The following SLC6A6 variants were observed in gnomAD, a reference collection of about 807,000 sequenced individuals.
SLC6A6 encodes solute carrier family 6 member 6.
Under a neutral mutation model 68.8 loss-of-function variants are expected in SLC6A6, and 16 were observed. The observed-to-expected ratio is 0.23, with a 90% confidence interval of 0.16 to 0.35. The LOEUF is 0.35. SLC6A6 is among the 10% of genes least tolerant of loss of function. SLC6A6 has a pLI of 1.00. For missense variants in SLC6A6, 474 were observed against 802.8 expected, an observed-to-expected ratio of 0.59 and a Z score of 4.95; for synonymous variants, 312 against 315.4, an observed-to-expected ratio of 0.99 and a Z score of 0.12.
rs1415021405 is a variant in SLC6A6 at position 14,447,790 on chromosome 3, C to A, written c.573C>A (p.Phe191Leu). The A allele has an allele frequency of 6.2e-7, 1 of 1,614,238 alleles. No homozygotes were observed. ...SVWITISSTN[F>L]TSPVIEFWER... The stretch of plus-strand genomic sequence containing the variant: ...GGATCACCATCAGCTCCACCAACTT[C>A]ACCTCCCCTGTCATCGAGTTCTGGG... Residue 191 changes from phenylalanine to leucine, a missense_variant, in exon 5 of 15, where the codon TTC becomes TTA. Physicochemically the swap from Phe to Leu is conservative, Grantham distance 22 (BLOSUM62 0). This residue lies in a region of SLC6A6 where 280 missense variants were observed against 533.1 expected (regional missense o/e 0.53). Coordinates refer to ENST00000622186, the MANE Select transcript of SLC6A6 (RefSeq NM_003043.6).
At chr3:14,455,577 AC>A (rs1700348698) in intron 5 of SLC6A6, among the ~76,000 whole-genome samples, 1 of 152,228 alleles carries the variant, frequency 6.6e-6, no homozygotes, top group African/African-American at 2.4e-5. Context: ...CAGGGGCTCT[AC>A]AGTGAGTCTT....
At chr3:14,453,212 G>T (rs904253515) in intron 5 of SLC6A6, among the ~76,000 whole-genome samples, 1 of 152,230 alleles carries the variant, frequency 6.6e-6, no homozygotes, top group African/African-American at 2.4e-5. Context: ...TTACATCTCT[G>T]AGTGCCGGCT....
At chr3:14,435,772 T>G (rs1207807086) in intron 2 of SLC6A6, among the ~76,000 whole-genome samples, 1 of 152,208 alleles carries the variant, frequency 6.6e-6, no homozygotes, top group Non-Finnish European at 1.5e-5. Flanking sequence ...GTTTAGAAAC[T>G]GAAAAATGTG....
intron 2 of SLC6A6, among the ~76,000 whole-genome samples, chr3:14,428,340 C>G (rs963911052): frequency 6.6e-6 from 1 of 152,196 alleles, no homozygotes; most frequent in Non-Finnish European, 1.5e-5. Context: ...GGCATGGTGC[C>G]CAAGAGATGC....
In SLC6A6 at chr3:14,466,569, C is replaced by G. The variant is rs777397049; in HGVS notation, c.786C>G (p.Val262=). ...TCGCCATGCTCCTGGTGCTGCTGGT[C>G]CGAGGGCTGACGCTGCCGGGCGCGG... ...FPFAMLLVLL[V]RGLTLPGAGA... Residue 262 remains valine (V), a synonymous_variant, in exon 7 of 15, where the codon GTC becomes GTG. Transcript: ENST00000622186. 6.2e-7 allele frequency: 1 copy of G among 1,613,512 alleles called. No individual in the cohort carries two copies. The highest frequency in any genetic ancestry group is 8.5e-7 in the Non-Finnish European group (1 of 1,179,772).
At chr3:14,479,495 G>A (rs1269933160) in intron 13 of SLC6A6, among the ~76,000 whole-genome samples, 1 of 152,134 alleles carries the variant, frequency 6.6e-6, no homozygotes, top group Non-Finnish European at 1.5e-5. Flanking sequence ...GAAATCCAGG[G>A]GATCCAGAAT....
intron 1 of SLC6A6, among the ~76,000 whole-genome samples, chr3:14,410,493 G>T (rs763195148): frequency 2.0e-5 from 3 of 152,184 alleles, no homozygotes; most frequent in Non-Finnish European, 4.4e-5. Context: ...GAAGGAGCGT[G>T]GTGAGCAGCT....
In SLC6A6 at chr3:14,447,529, G is replaced by C. The variant is rs1700153294; in HGVS notation, c.365-53G>C. On this transcript the variant is annotated intron_variant, in intron 4 of 14. Transcript: ENST00000622186. ...GCCTTCCAGTTGAGTATGTGGCCGT[G>C]GTGGGTCTGGCCTCCCTCAGATGTT... The C allele has an allele frequency of 1.9e-6, 3 of 1,602,374 alleles. No individual in the cohort carries two copies. In the East Asian group the frequency reaches 6.7e-5, roughly 36 times the overall value.
intron 10 of SLC6A6, among the ~76,000 whole-genome samples, chr3:14,473,968 C>G (rs1231877030): frequency 6.6e-6 from 1 of 152,214 alleles, no homozygotes; most frequent in Non-Finnish European, 1.5e-5. Flanking sequence ...GAAGTGGGGC[C>G]TGGTGGAGGA....
At chr3:14,478,740 G>A in intron 12 of SLC6A6, 172 bp downstream of exon 12, 1 of 618,076 alleles carries the variant, frequency 1.6e-6, no homozygotes, top group East Asian at 2.7e-5. Flanking sequence ...GATCCTCCTG[G>A]TGCTAAAGGT....
intron 7 of SLC6A6, among the ~76,000 whole-genome samples, chr3:14,467,292 T>C (rs35231453): frequency 0.16 from 23,903 of 152,138 alleles, 2,208 homozygotes; most frequent in East Asian, 0.39. Flanking sequence ...TTGGCCAGCC[T>C]TGGAGGACAG....
chr3:14,416,299 C>T (rs1000035329), intron 1 of SLC6A6, 113 bp from the exon 2 acceptor site: 11 of 397,442 alleles, frequency 2.8e-5, no homozygotes, highest in African/African-American at 2.1e-4. Flanking sequence ...GTCAGCCCCT[C>T]CCCAGCACAC....
intron 2 of SLC6A6, among the ~76,000 whole-genome samples, chr3:14,426,847 A>C (rs1699610737): frequency 1.3e-5 from 2 of 152,092 alleles, no homozygotes; most frequent in South Asian, 4.2e-4. Context: ...CCGGCTTCCC[A>C]GGGGAAGGTG....
chr3:14,473,291 G>C (rs1160152256), intron 10 of SLC6A6, among the ~76,000 whole-genome samples: 1 of 152,186 alleles, frequency 6.6e-6, no homozygotes, highest in East Asian at 1.9e-4. Context: ...GGCTGGTTGT[G>C]TGCCCAGCCC....
intron 2 of SLC6A6, among the ~76,000 whole-genome samples, chr3:14,438,218 G>GTT (rs202033964): frequency 6.8e-6 from 1 of 147,016 alleles, no homozygotes; most frequent in African/African-American, 2.5e-5. Flanking sequence ...CAATGTGGCT[G>GTT]TTTTTTTTTT....
In SLC6A6 at chr3:14,481,916, G is replaced by C. The variant is rs1701018013; in HGVS notation, c.1722+75G>C. 5 of 1,316,742 alleles carry C rather than the reference G, an allele frequency of 3.8e-6. No homozygotes were observed. Among genetic ancestry groups the C allele is most frequent in the Non-Finnish European group, 5.3e-6 (5 of 935,848 alleles). 81.6% of individuals were successfully genotyped at this position (1,316,742 alleles called of 1,614,324 possible). ...GGTGATTGTTGTCAGTTTGCTGCGT[G>C]ATCTCAGGCAAGTCACCTGCCCTCT... On this transcript the variant is annotated intron_variant, in intron 14 of 14. Coordinates refer to ENST00000622186, the MANE Select transcript of SLC6A6 (RefSeq NM_003043.6). This position sits in a 1 kb window ranked among gnomAD's most constrained non-coding sequence, Gnocchi z 4.7.
chr3:14,472,874 T>C lies in SLC6A6; in HGVS notation c.1209+557T>C, dbSNP rs1304769719. ...CCTGGAGCGTGCGAGGGGCTGGGCA[T>C]TGGCTCCCTCCCGTGCTTTATACAC... is the stretch of plus-strand genomic sequence containing the variant. On this transcript the variant is annotated intron_variant, in intron 10 of 14. Transcript: ENST00000622186. The surrounding 1 kb of genome is among the most constrained non-coding windows in gnomAD (Gnocchi z 4.5). Among the ~76,000 whole-genome samples, 1 of 152,230 alleles carries C rather than the reference T, an allele frequency of 6.6e-6. No homozygotes were observed. Among genetic ancestry groups the C allele is most frequent in the East Asian group, 1.9e-4 (1 of 5,194 alleles).
At chr3:14,426,647 G>A (rs1699606002) in intron 2 of SLC6A6, among the ~76,000 whole-genome samples, 1 of 152,184 alleles carries the variant, frequency 6.6e-6, no homozygotes, top group Non-Finnish European at 1.5e-5. Flanking sequence ...TATGTAAAGT[G>A]CCCGTCACAG....
intron 5 of SLC6A6, among the ~76,000 whole-genome samples, chr3:14,453,089 G>A (rs896160493): frequency 4.6e-5 from 7 of 152,252 alleles, no homozygotes; most frequent in African/African-American, 1.7e-4. Context: ...TGCTCTGGGC[G>A]GACGGGCCCT....
Sources: gnomAD v4.1 joint callset for allele counts (sites outside exome capture counted in the v4.1 genomes callset) on GRCh38, gnomAD v4.1.1 for gene constraint, gnomAD v4.1.1 regional missense constraint, Gnocchi (gnomAD v3.1) non-coding constraint, MANE v1.5 for transcripts, NCBI Gene and HGNC (gene_info 2026-07-23, HGNC 2026-07-21) for gene names.